The following GPC5 variants were observed in gnomAD, a reference collection of about 807,000 sequenced individuals.
GPC5 encodes glypican-5.
GPC5 carries 47 observed loss-of-function variants against 53.9 expected under a neutral mutation model. The ratio of observed to expected loss-of-function variants is 0.87; its 90% CI spans 0.69 to 1.11. The LOEUF is 1.11. Ranked by LOEUF, GPC5 falls within the 50% of genes most tolerant of loss-of-function variation. The pLI is 0.00. For synonymous variants in GPC5, 286 were observed against 263.3 expected (o/e 1.09, Z -0.84); for missense variants, 748 against 713.1 (o/e 1.05, Z -0.56).
chr13:91,933,202 T>C (rs137876402), intron 6 of GPC5, among the ~76,000 whole-genome samples: 1 of 152,082 alleles, frequency 6.6e-6, no homozygotes, highest in Admixed American at 6.6e-5. Context: ...TCTGTTCTCC[T>C]GACATTTCAT....
intron 2 of GPC5, among the ~76,000 whole-genome samples, chr13:91,470,255 A>T (rs582961): frequency 0.53 from 80,329 of 151,968 alleles, 21,741 homozygotes; most frequent in Non-Finnish European, 0.6. Flanking sequence ...AGCAGCACAG[A>T]GATTTTCTTC....
chr13:92,449,318 A>G (rs935937594), intron 7 of GPC5, among the ~76,000 whole-genome samples: 2 of 152,148 alleles, frequency 1.3e-5, no homozygotes, highest in Admixed American at 1.3e-4. Flanking sequence ...TGACCTCTGC[A>G]CTTTGACTCT....
At chr13:92,120,264 T>A (rs2041638026) in intron 6 of GPC5, among the ~76,000 whole-genome samples, 1 of 152,208 alleles carries the variant, frequency 6.6e-6, no homozygotes, top group Non-Finnish European at 1.5e-5. Context: ...CCTTTCTTTT[T>A]AATGACTATC....
At chr13:91,945,444 T>A (rs1258754170) in intron 6 of GPC5, among the ~76,000 whole-genome samples, 1 of 152,228 alleles carries the variant, frequency 6.6e-6, no homozygotes, top group East Asian at 1.9e-4. Context: ...AATGTATAAG[T>A]GTTCATTCCT....
chr13:91,432,530 G>A (rs1425900125), intron 1 of GPC5, among the ~76,000 whole-genome samples: 1 of 152,090 alleles, frequency 6.6e-6, no homozygotes, highest in African/African-American at 2.4e-5. Context: ...TATATGAGGG[G>A]CAGTATTAGC....
intron 7 of GPC5, among the ~76,000 whole-genome samples, chr13:92,173,302 G>A (rs79891543): frequency 0.017 from 2,655 of 152,086 alleles, 74 homozygotes; most frequent in African/African-American, 0.06. Context: ...ATGCTTTTCC[G>A]CTTAGGTGTG....
intron 2 of GPC5, among the ~76,000 whole-genome samples, chr13:91,459,907 A>G (rs1881822287): frequency 6.6e-6 from 1 of 152,174 alleles, no homozygotes; most frequent in African/African-American, 2.4e-5. Flanking sequence ...AGCATAATTT[A>G]AGAGTAAAGG....
intron 7 of GPC5, among the ~76,000 whole-genome samples, chr13:92,518,596 C>G (rs963044292): frequency 4.6e-5 from 7 of 152,156 alleles, no homozygotes; most frequent in Admixed American, 6.5e-5. Context: ...TTGTCACCAC[C>G]AGGCCTGCCT....
At chr13:91,624,144 A>G (rs2033937225) in intron 2 of GPC5, among the ~76,000 whole-genome samples, 1 of 152,114 alleles carries the variant, frequency 6.6e-6, no homozygotes, top group Admixed American at 6.6e-5. Context: ...AGCCAACTAA[A>G]TAAAAGGAGT....
At chr13:92,833,338 G>A (rs552698107) in intron 7 of GPC5, among the ~76,000 whole-genome samples, 5 of 152,190 alleles carry the variant, frequency 3.3e-5, no homozygotes, top group South Asian at 4.2e-4. Context: ...AGATGATAGC[G>A]TAACACCCAA....
At chr13:91,485,788 A>G (rs1211315293) in intron 2 of GPC5, 1 of 152,210 alleles carries the variant, frequency 6.6e-6, no homozygotes, top group African/African-American at 2.4e-5. Context: ...GAGAAGTTAA[A>G]GTTTCAATTA....
intron 2 of GPC5, among the ~76,000 whole-genome samples, chr13:91,571,995 A>ATATGCATACATGCATATACG (rs1322642398): frequency 7.7e-6 from 1 of 130,546 alleles, no homozygotes; most frequent in African/African-American, 3.8e-5. Context: ...ATATGTGTAT[A>ATATGCATACATGCATATACG]TGTGTATATA....
At chr13:92,190,959 T>C (rs2042218877) in intron 7 of GPC5, among the ~76,000 whole-genome samples, 2 of 152,142 alleles carry the variant, frequency 1.3e-5, no homozygotes, top group South Asian at 4.1e-4. Context: ...CCTACCTATA[T>C]GTTGTCTATA....
chr13:91,502,115 G>T (rs929115725), intron 2 of GPC5, among the ~76,000 whole-genome samples: 1 of 151,988 alleles, frequency 6.6e-6, no homozygotes, highest in Non-Finnish European at 1.5e-5. Context: ...TTGTAAATTT[G>T]TTTGAGTTCA....
intron 6 of GPC5, among the ~76,000 whole-genome samples, chr13:91,924,429 T>C (rs529318718): frequency 6.6e-6 from 1 of 152,238 alleles, no homozygotes; most frequent in African/African-American, 2.4e-5. Context: ...TGAAAAAGTA[T>C]CATTATCTGG....
chr13:92,027,700 G>A (rs1376328566), intron 6 of GPC5, among the ~76,000 whole-genome samples: 2 of 151,954 alleles, frequency 1.3e-5, no homozygotes, highest in East Asian at 3.9e-4. Context: ...CTTTTTGAAG[G>A]GAATTTACAC....
intron 7 of GPC5, among the ~76,000 whole-genome samples, chr13:92,425,463 G>A (rs975294733): frequency 1.6e-4 from 25 of 151,812 alleles, no homozygotes; most frequent in African/African-American, 3.1e-4. Context: ...AAATTACCAC[G>A]ACAGTCCTAT....
rs1876654739 is a variant in GPC5 at position 91,398,678 on chromosome 13, A to AGGCGGCGGCG, written c.-368_-367insGCGGCGGCGG. On this transcript the variant is annotated 5_prime_UTR_variant, in exon 1 of 8. Coordinates refer to ENST00000377067, the MANE Select transcript of GPC5 (RefSeq NM_004466.6). ...CGGCGGAGGCGGCGGCGGCGGCGGC[A>AGGCGGCGGCG]GTGGCGGCAGTGGCGGCAGTGGCGG... is the stretch of plus-strand genomic sequence containing the variant. The AGGCGGCGGCG allele has an allele frequency of 4.6e-5, 1 of 21,864 alleles. No homozygotes were observed. Among genetic ancestry groups the AGGCGGCGGCG allele is most frequent in the African/African-American group, 1.4e-4 (1 of 7,340 alleles). The allele number at this position is 21,864 out of a possible 1,614,324, so 1.4% of individuals were successfully genotyped here.
At chr13:92,286,086 G>A (rs1014510422) in intron 7 of GPC5, among the ~76,000 whole-genome samples, 7 of 152,154 alleles carry the variant, frequency 4.6e-5, no homozygotes, top group African/African-American at 1.7e-4. Flanking sequence ...GATATGAAGA[G>A]ACACTTCTCA....
Sources: allele counts gnomAD v4.1 joint callset (sites outside exome capture counted in the v4.1 genomes callset), GRCh38; gene constraint gnomAD v4.1.1; transcripts MANE v1.5; gene names NCBI Gene and HGNC (gene_info 2026-07-23, HGNC 2026-07-21).